The following CTXND1 variants were observed in gnomAD, a reference collection of about 807,000 sequenced individuals.
CTXND1 encodes the protein cortexin domain containing 1, also known as cortexin domain-containing 1 protein.
intron 1 of CTXND1, among the ~76,000 whole-genome samples, chr15:80,215,554 T>G (rs1893244307): frequency 6.6e-6 from 1 of 152,238 alleles, no homozygotes; most frequent in Non-Finnish European, 1.5e-5. Flanking sequence ...GCATGGGTGG[T>G]CCTTCAAGGT....
intron 1 of CTXND1, among the ~76,000 whole-genome samples, chr15:80,219,952 G>A (rs1893294167): frequency 6.6e-6 from 1 of 151,994 alleles, no homozygotes; most frequent in African/African-American, 2.4e-5. Context: ...CGCAATCTGT[G>A]GCTTGTTTTT....
intron 1 of CTXND1, among the ~76,000 whole-genome samples, chr15:80,208,138 C>A (rs1036596799): frequency 6.7e-6 from 1 of 150,272 alleles, no homozygotes; most frequent in African/African-American, 2.5e-5. Flanking sequence ...ACGTTCACTG[C>A]AGTATTGTAA....
intron 1 of CTXND1, among the ~76,000 whole-genome samples, chr15:80,229,282 T>C (rs16971857): frequency 0.03 from 4,584 of 152,262 alleles, 376 homozygotes; most frequent in East Asian, 0.29. Flanking sequence ...ATCAGTGTTT[T>C]ATGTTCATTC....
chr15:80,236,780 C>CAAA (rs1893502853), intron 1 of CTXND1, among the ~76,000 whole-genome samples: 1 of 83,296 alleles, frequency 1.2e-5, no homozygotes, highest in Non-Finnish European at 2.4e-5. Context: ...AGGACTCGGT[C>CAAA]TAAAAAAAAA....
chr15:80,240,424 G>A (rs1030281175), intron 1 of CTXND1, among the ~76,000 whole-genome samples: 4 of 152,244 alleles, frequency 2.6e-5, no homozygotes, highest in African/African-American at 4.8e-5. Flanking sequence ...GGAACATGGC[G>A]TAGGTCCCCT....
chr15:80,229,572 T>C (rs148744157), intron 1 of CTXND1, among the ~76,000 whole-genome samples: 2 of 152,340 alleles, frequency 1.3e-5, no homozygotes, highest in Non-Finnish European at 2.9e-5. Flanking sequence ...CAAGGGTTCA[T>C]GTGTGGGCAT....
intron 1 of CTXND1, among the ~76,000 whole-genome samples, chr15:80,248,612 T>C (rs1893660592): frequency 6.6e-6 from 1 of 152,234 alleles, no homozygotes; most frequent in Non-Finnish European, 1.5e-5. Context: ...ATGTCTGCTC[T>C]AGGCAAGAGA....
intron 2 of CTXND1, among the ~76,000 whole-genome samples, chr15:80,202,335 A>C (rs1893085824): frequency 6.6e-6 from 1 of 152,182 alleles, no homozygotes; most frequent in Non-Finnish European, 1.5e-5. Context: ...GAGGCCCTGC[A>C]GCTGCCTCCA....
rs1220011924 is a variant in CTXND1, at chr15:80,200,304, G to A, written c.*1466C>T. ...CATTTCGTCCTCACAACAACCTTGC[G>A]AGGTAGATGTTATTCCCTCACTTTA... is the stretch of plus-strand genomic sequence containing the variant. On this transcript the variant is annotated 3_prime_UTR_variant, in exon 3 of 3. Coordinates refer to ENST00000560778, the MANE Select transcript of CTXND1 (RefSeq NM_001352888.2). The A allele has an allele frequency of 6.6e-6, 1 of 152,192 alleles. No individual in the cohort carries two copies. The highest frequency in any genetic ancestry group is 2.4e-5 in the African/African-American group (1 of 41,422). The allele number at this position is 152,192 out of a possible 1,614,324, so 9.4% of individuals were successfully genotyped here. A position where few individuals can be genotyped will look rare whatever the true frequency, so the allele number is the denominator to read the frequency against.
In CTXND1 at chr15:80,196,002, T is replaced by C. The variant is rs2041418386; in HGVS notation, c.*5768A>G. ...AGAGATCACTGCACTGTCAGGATGG[T>C]TAACCCCAATATCCAAGGGAAAGTG... is the stretch of plus-strand genomic sequence containing the variant. On this transcript the variant is annotated 3_prime_UTR_variant, in exon 3 of 3. Transcript: ENST00000560778. 6.6e-6 allele frequency: 1 copy of C among 152,214 alleles called. No homozygotes were observed. Among genetic ancestry groups the C allele is most frequent in the Non-Finnish European group, 1.5e-5 (1 of 68,044 alleles). 9.4% of individuals were successfully genotyped at this position (152,214 alleles called of 1,614,324 possible).
At chr15:80,206,356 C>T (rs909770004) in intron 1 of CTXND1, among the ~76,000 whole-genome samples, 1 of 152,106 alleles carries the variant, frequency 6.6e-6, no homozygotes, top group African/African-American at 2.4e-5. Context: ...CATTTATCTT[C>T]GTGAATGAAG....
At chr15:80,240,028 C>T (rs1469975375) in intron 1 of CTXND1, among the ~76,000 whole-genome samples, 4 of 152,312 alleles carry the variant, frequency 2.6e-5, no homozygotes, top group Admixed American at 6.5e-5. Flanking sequence ...TGCAATGGCA[C>T]GATCTCAGCC....
Position 80,224,543 on chromosome 15 carries a change from C to T in CTXND1, c.-217-20803G>A, listed in dbSNP as rs892046261. The stretch of plus-strand genomic sequence containing the variant: ...TCAAGATTGTCTTGGATATTCCTGG[C>T]CCTTTGCATTTCCGTATAAATTCAG... On this transcript the variant is annotated intron_variant, in intron 1 of 2. Coordinates refer to ENST00000560778, the MANE Select transcript of CTXND1 (RefSeq NM_001352888.2). Among the ~76,000 whole-genome samples, 4 of 152,206 alleles carry T rather than the reference C, an allele frequency of 2.6e-5. No homozygotes were observed. In the East Asian group the frequency reaches 7.7e-4, roughly 29 times the overall value.
At chr15:80,247,137 C>G (rs1893640671) in intron 1 of CTXND1, among the ~76,000 whole-genome samples, 1 of 152,130 alleles carries the variant, frequency 6.6e-6, no homozygotes, top group Admixed American at 6.5e-5. Flanking sequence ...GAAGACAGGT[C>G]AGGTGAATTT....
intron 1 of CTXND1, among the ~76,000 whole-genome samples, chr15:80,247,263 C>T (rs1055005657): frequency 2.0e-5 from 3 of 152,152 alleles, no homozygotes; most frequent in African/African-American, 7.2e-5. Context: ...CCTCCCACCA[C>T]CTTAGCAACA....
chr15:80,228,582 G>T (rs1893396817), intron 1 of CTXND1, among the ~76,000 whole-genome samples: 2 of 151,576 alleles, frequency 1.3e-5, no homozygotes, highest in Non-Finnish European at 2.9e-5. Context: ...CAGGGTGCAG[G>T]TTGAGTATCC....
chr15:80,234,915 GA>G (rs1013406552), intron 1 of CTXND1, among the ~76,000 whole-genome samples: 1 of 152,220 alleles, frequency 6.6e-6, no homozygotes, highest in Non-Finnish European at 1.5e-5. Context: ...TGCTTTTGGG[GA>G]ATGGCCTTCT....
intron 1 of CTXND1, among the ~76,000 whole-genome samples, chr15:80,248,198 T>C (rs908104538): frequency 5.9e-5 from 9 of 152,306 alleles, no homozygotes; most frequent in African/African-American, 2.2e-4. Context: ...TCATTGTCTT[T>C]GATGTCCTGG....
chr15:80,247,980 C>T (rs1040027505), intron 1 of CTXND1, among the ~76,000 whole-genome samples: 7 of 152,176 alleles, frequency 4.6e-5, no homozygotes, highest in Non-Finnish European at 8.8e-5. Context: ...GTGCACCCCT[C>T]TGAAACATCA....
Sources: allele counts gnomAD v4.1 joint callset (sites outside exome capture counted in the v4.1 genomes callset), GRCh38; gene constraint gnomAD v4.1.1; transcripts MANE v1.5; gene names NCBI Gene and HGNC (gene_info 2026-07-23, HGNC 2026-07-21).